Variants in TRA2A observed in about 807,000 individuals in gnomAD.
The protein encoded by TRA2A is transformer-2 protein homolog alpha.
Under a neutral mutation model 45.7 loss-of-function variants are expected in TRA2A, and 31 were observed. That is an observed-to-expected ratio of 0.68 (90% CI 0.51 to 0.92). The LOEUF (loss-of-function observed/expected upper bound fraction) is 0.92, where lower values mean the gene tolerates loss of function less well. Ranked by LOEUF, TRA2A falls within the 40% of genes least tolerant of loss-of-function variation. The pLI, the probability that TRA2A is intolerant of heterozygous loss-of-function variation, is 0.00. For synonymous variants in TRA2A, 132 were observed against 126.2 expected, an observed-to-expected ratio of 1.05 and a Z score of -0.31; for missense variants, 304 against 367.5, an observed-to-expected ratio of 0.83 and a Z score of 1.41.
At position 23,525,793 on chromosome 7, in the gene TRA2A, A is replaced by G. The variant is rs528301382; in HGVS notation, c.37-3953T>C. On this transcript the variant is annotated intron_variant, in intron 1 of 7. Transcript: ENST00000297071. ...TTTATTTTAGTAGAGACGGGGTTTC[A>G]CCACATTGGCCAGGCTGGCCTCGAA... Among the ~76,000 whole-genome samples, 38 of 152,176 alleles carry G rather than the reference A, an allele frequency of 2.5e-4. No homozygotes were observed. In the South Asian group the frequency reaches 5.6e-3, roughly 22 times the overall value.
chr7:23,512,492 T>G (rs1288609123), intron 4 of TRA2A, among the ~76,000 whole-genome samples: 2 of 152,034 alleles, frequency 1.3e-5, no homozygotes, highest in African/African-American at 4.8e-5. Context: ...GGAGTCTCAC[T>G]GTGTCGCCCA....
chr7:23,506,411 C>T (rs1259647317), intron 5 of TRA2A, 145 bp from the exon 6 acceptor site: 1 of 1,007,254 alleles, frequency 9.9e-7, no homozygotes, highest in African/African-American at 1.6e-5. Context: ...ATTTTACTGA[C>T]TCCCATGGTA....
At chr7:23,526,540 G>A (rs919083592) in intron 1 of TRA2A, among the ~76,000 whole-genome samples, 3 of 152,116 alleles carry the variant, frequency 2.0e-5, no homozygotes, top group African/African-American at 7.2e-5. Flanking sequence ...ACTTACTAAA[G>A]AACTTCTTTA....
At chr7:23,511,387 A>C (rs1396664268) in intron 4 of TRA2A, among the ~76,000 whole-genome samples, 2 of 29,634 alleles carry the variant, frequency 6.7e-5, no homozygotes, top group East Asian at 9.5e-4. Context: ...AAAAAAAAAA[A>C]AAAAAAAAAA....
intron 2 of TRA2A, among the ~76,000 whole-genome samples, chr7:23,519,362 G>A (rs1790031290): frequency 6.6e-6 from 1 of 151,896 alleles, no homozygotes; most frequent in African/African-American, 2.4e-5. Context: ...CCAGCCTGGC[G>A]ACAGAGTGAG....
intron 1 of TRA2A, 29 bp downstream of exon 1, chr7:23,531,760 C>A (rs1332685467): frequency 6.2e-7 from 1 of 1,612,582 alleles, no homozygotes; most frequent in South Asian, 1.1e-5. Context: ...GGGCCGCCGC[C>A]TAGACGGCTC....
At chr7:23,528,893 A>G (rs1202543231) in intron 1 of TRA2A, among the ~76,000 whole-genome samples, 2 of 152,172 alleles carry the variant, frequency 1.3e-5, no homozygotes, top group Non-Finnish European at 2.9e-5. Context: ...CCTGAAAAGG[A>G]GGCAATAAGA....
chr7:23,506,074 TA>T, intron 6 of TRA2A, 63 bp downstream of exon 6: 1 of 1,411,786 alleles, frequency 7.1e-7, no homozygotes, highest in Non-Finnish European at 9.8e-7. Flanking sequence ...GTATCCAACA[TA>T]AAAGTGCCAA....
intron 2 of TRA2A, among the ~76,000 whole-genome samples, chr7:23,520,197 C>A (rs973162182): frequency 6.6e-6 from 1 of 152,190 alleles, no homozygotes; most frequent in Non-Finnish European, 1.5e-5. Flanking sequence ...GGCTGGGCAA[C>A]AGAGCGAGAC....
chr7:23,511,888 G>C (rs1789637361), intron 4 of TRA2A, among the ~76,000 whole-genome samples: 1 of 152,120 alleles, frequency 6.6e-6, no homozygotes, highest in African/African-American at 2.4e-5. Flanking sequence ...TGAACACACT[G>C]ATAAATGAAC....
chr7:23,508,941 G>C (rs1171977246), intron 4 of TRA2A, among the ~76,000 whole-genome samples: 2 of 152,024 alleles, frequency 1.3e-5, no homozygotes, highest in African/African-American at 4.8e-5. Context: ...TTGTCTCTTT[G>C]GTCTCTTTGA....
rs367709076 is a variant in TRA2A at position 23,507,581 on chromosome 7, G to A, written c.526-46C>T. On this transcript the variant is annotated intron_variant, in intron 4 of 7. Coordinates refer to ENST00000297071, the MANE Select transcript of TRA2A (RefSeq NM_013293.5). ...AAGTCACGTATAATTCACCAGTCTT[G>A]AAGTAATCATTACTTAAAATTAAGC... is the stretch of plus-strand genomic sequence containing the variant. 6.9e-6 allele frequency: 9 copies of A among 1,310,922 alleles called. No individual in the cohort carries two copies. The African/African-American group carries it at 1.0e-4, about 15-fold the overall frequency. The allele number at this position is 1,310,922 out of a possible 1,614,324, so 81.2% of individuals were successfully genotyped here. A position where few individuals can be genotyped will look rare whatever the true frequency, so the allele number is the denominator to read the frequency against.
chr7:23,524,403 C>CA (rs1790257640), intron 1 of TRA2A, among the ~76,000 whole-genome samples: 1 of 152,096 alleles, frequency 6.6e-6, no homozygotes, highest in East Asian at 1.9e-4. Context: ...AGGCTGGTCT[C>CA]AAACTCCTGA....
chr7:23,522,352 A>G (rs1345852431), intron 1 of TRA2A: 2 of 1,252,226 alleles, frequency 1.6e-6, no homozygotes, highest in African/African-American at 3.2e-5. Context: ...GATCTTTAAT[A>G]CTTTTCATTA....
chr7:23,510,877 C>T (rs970903684), intron 4 of TRA2A, among the ~76,000 whole-genome samples: 1 of 151,836 alleles, frequency 6.6e-6, no homozygotes, highest in Non-Finnish European at 1.5e-5. Context: ...CAAATTAAGG[C>T]ATTAAACTGC....
intron 4 of TRA2A, among the ~76,000 whole-genome samples, chr7:23,509,138 A>C (rs1789478220): frequency 6.6e-6 from 1 of 152,184 alleles, no homozygotes; most frequent in African/African-American, 2.4e-5. Flanking sequence ...CACCCGGTCC[A>C]ATTTTTAAAA....
intron 4 of TRA2A, among the ~76,000 whole-genome samples, chr7:23,511,518 T>G (rs1017021828): frequency 2.7e-5 from 4 of 150,068 alleles, no homozygotes; most frequent in Non-Finnish European, 5.9e-5. Context: ...CTAACAAAAC[T>G]AAAAGTATTG....
At chr7:23,529,340 C>T (rs191708571) in intron 1 of TRA2A, among the ~76,000 whole-genome samples, 60 of 152,216 alleles carry the variant, frequency 3.9e-4, no homozygotes, top group African/African-American at 1.4e-3. Context: ...TGTCGTGGCG[C>T]AATTCCGCCT....
At chr7:23,526,605 T>A (rs1255443479) in intron 1 of TRA2A, among the ~76,000 whole-genome samples, 1 of 152,204 alleles carries the variant, frequency 6.6e-6, no homozygotes, top group African/African-American at 2.4e-5. Context: ...AGAACAACAG[T>A]TCTGCTTCCT....
Sources: allele counts gnomAD v4.1 joint callset (sites outside exome capture counted in the v4.1 genomes callset), GRCh38; gene constraint gnomAD v4.1.1; transcripts MANE v1.5; gene names NCBI Gene and HGNC (gene_info 2026-07-23, HGNC 2026-07-21).